The following NUDT3 variants were observed in gnomAD, a reference collection of about 807,000 sequenced individuals.
NUDT3 encodes the protein nudix hydrolase 3.
A neutral mutation model predicts 23.6 loss-of-function variants in NUDT3; 9 were observed. The ratio of observed to expected loss-of-function variants is 0.38; its 90% CI spans 0.23 to 0.66. The LOEUF (loss-of-function observed/expected upper bound fraction) is 0.66. Among genes scored for constraint, NUDT3 ranks in the 30% least tolerant of loss-of-function variants. The pLI is 0.52. For synonymous variants in NUDT3, 86 were observed against 82.6 expected, an observed-to-expected ratio of 1.04 and a Z score of -0.22; for missense variants, 172 against 218.5, an observed-to-expected ratio of 0.79 and a Z score of 1.34.
rs1763268876 is a variant in NUDT3, at chr6:34,280,536, CCA to C, written c.*8215_*8216del. 1 of 152,180 alleles carries C rather than the reference CCA, an allele frequency of 6.6e-6. No individual in the cohort carries two copies. The allele number at this position is 152,180 out of a possible 1,614,324, so 9.4% of individuals were successfully genotyped here. On this transcript the variant is annotated 3_prime_UTR_variant, in exon 5 of 5. Transcript: ENST00000607016. ...CCTACAAGCACCATTCCTTGGATTC[CCA>C]GTTTTGTTGAGCTCATTTGAGGTCA...
At chr6:34,337,837 C>T (rs1035939500) in intron 2 of NUDT3, among the ~76,000 whole-genome samples, 4 of 152,242 alleles carry the variant, frequency 2.6e-5, no homozygotes, top group African/African-American at 9.6e-5. Flanking sequence ...TCCTCTCTCT[C>T]TATTCCAGAA....
chr6:34,388,419 T>C (rs1238174464), intron 1 of NUDT3, among the ~76,000 whole-genome samples: 1 of 152,240 alleles, frequency 6.6e-6, no homozygotes, highest in East Asian at 1.9e-4. Context: ...TATTCTATCT[T>C]GATTAAGGCC....
intron 2 of NUDT3, among the ~76,000 whole-genome samples, chr6:34,301,433 G>A (rs1763595495): frequency 6.6e-6 from 1 of 152,186 alleles, no homozygotes; most frequent in Non-Finnish European, 1.5e-5. Flanking sequence ...ACAGAATGTA[G>A]AAGAATGGTT....
At chr6:34,382,016 C>T (rs970904064) in intron 1 of NUDT3, among the ~76,000 whole-genome samples, 4 of 137,538 alleles carry the variant, frequency 2.9e-5, no homozygotes, top group East Asian at 2.1e-4. Flanking sequence ...GGGGTTGCAG[C>T]GAGCCAAGAT....
chr6:34,392,475 G>T lies in NUDT3; in HGVS notation c.-113C>A. On this transcript the variant is annotated 5_prime_UTR_variant, in exon 1 of 5. Coordinates refer to ENST00000607016, the MANE Select transcript of NUDT3 (RefSeq NM_006703.4). ...CCGGCTCGGCCAAGGGAAGCAGGGAGGGGGAGCTTCTCCGCTACACGGCTC... is the reference window on the plus strand; with the variant it reads ...CCGGCTCGGCCAAGGGAAGCAGGGATGGGGAGCTTCTCCGCTACACGGCTC... The T allele has an allele frequency of 1.5e-6, 1 of 674,232 alleles. No homozygotes were observed. The highest frequency in any genetic ancestry group is 2.5e-6 in the Non-Finnish European group (1 of 404,936). 41.8% of individuals were successfully genotyped at this position (674,232 alleles called of 1,614,324 possible).
intron 2 of NUDT3, among the ~76,000 whole-genome samples, chr6:34,313,227 T>C (rs1763802493): frequency 6.6e-6 from 1 of 151,940 alleles, no homozygotes; most frequent in African/African-American, 2.4e-5. Context: ...CTTAAATGCG[T>C]ATTACTAAGT....
chr6:34,332,285 T>C (rs1400489752), intron 2 of NUDT3, among the ~76,000 whole-genome samples: 1 of 152,068 alleles, frequency 6.6e-6, no homozygotes, highest in African/African-American at 2.4e-5. Context: ...AAAAAGAAAA[T>C]GTTATTAAGA....
intron 3 of NUDT3, 135 bp from the exon 4 acceptor site, chr6:34,293,670 AC>A: frequency 1.0e-6 from 1 of 1,004,244 alleles, no homozygotes; most frequent in South Asian, 1.6e-5. Context: ...TTATGGTCCT[AC>A]AGTTATAGCT....
chr6:34,295,142 A>C (rs1763480546), intron 3 of NUDT3, among the ~76,000 whole-genome samples: 1 of 152,008 alleles, frequency 6.6e-6, no homozygotes, highest in Admixed American at 6.5e-5. Flanking sequence ...TAATTCTAGT[A>C]GTTTAGGGGA....
intron 2 of NUDT3, among the ~76,000 whole-genome samples, chr6:34,299,600 ATT>A (rs147548768): frequency 0.2 from 27,457 of 136,884 alleles, 4,032 homozygotes; most frequent in East Asian, 0.44. Flanking sequence ...ATTTTCTTGA[ATT>A]TTTTTTTTTT....
chr6:34,302,253 C>G (rs1191490660), intron 2 of NUDT3, among the ~76,000 whole-genome samples: 1 of 151,260 alleles, frequency 6.6e-6, no homozygotes, highest in East Asian at 2.0e-4. Context: ...TGGTCTCAAA[C>G]TGCTGGGCTC....
chr6:34,353,893 C>T (rs142576094), intron 1 of NUDT3, among the ~76,000 whole-genome samples: 2,780 of 151,994 alleles, frequency 0.018, 80 homozygotes, highest in African/African-American at 0.061. Context: ...GACAGGGTTT[C>T]GCCATGTTGC....
At chr6:34,348,637 G>A (rs550657334) in intron 1 of NUDT3, among the ~76,000 whole-genome samples, 38 of 151,954 alleles carry the variant, frequency 2.5e-4, no homozygotes, top group Non-Finnish European at 4.3e-4. Context: ...TTAGCCGGGC[G>A]TGGTGGCGGG....
intron 2 of NUDT3, among the ~76,000 whole-genome samples, chr6:34,319,352 G>A (rs1036066706): frequency 2.0e-5 from 3 of 152,190 alleles, no homozygotes; most frequent in Non-Finnish European, 4.4e-5. Context: ...TGACCAACTA[G>A]CTTCAAGTTG....
At chr6:34,368,320 T>A (rs555783889) in intron 1 of NUDT3, among the ~76,000 whole-genome samples, 1 of 152,320 alleles carries the variant, frequency 6.6e-6, no homozygotes, top group South Asian at 2.1e-4. Context: ...CCCTACCAAG[T>A]AGCTGGAGCC....
At chr6:34,296,536 T>G (rs1009512110) in intron 2 of NUDT3, among the ~76,000 whole-genome samples, 12 of 152,224 alleles carry the variant, frequency 7.9e-5, no homozygotes, top group Non-Finnish European at 1.6e-4. Context: ...ATCACACCAC[T>G]GCACTCCAGC....
chr6:34,343,802 G>C (rs1355596703), intron 1 of NUDT3, among the ~76,000 whole-genome samples: 2 of 152,202 alleles, frequency 1.3e-5, no homozygotes, highest in East Asian at 3.9e-4. Context: ...AATGTGAAAA[G>C]ACAACCTACA....
intron 1 of NUDT3, among the ~76,000 whole-genome samples, chr6:34,344,777 G>A (rs969234389): frequency 6.6e-6 from 1 of 151,168 alleles, no homozygotes; most frequent in Non-Finnish European, 1.5e-5. Flanking sequence ...TCAGCCTCCC[G>A]AGTAGCTGGG....
chr6:34,383,597 A>T (rs919452351), intron 1 of NUDT3, among the ~76,000 whole-genome samples: 1 of 152,202 alleles, frequency 6.6e-6, no homozygotes, highest in African/African-American at 2.4e-5. Flanking sequence ...AAATGAATAA[A>T]CAATTGTATT....
Sources: allele counts gnomAD v4.1 joint callset (sites outside exome capture counted in the v4.1 genomes callset), GRCh38; gene constraint gnomAD v4.1.1; transcripts MANE v1.5; gene names NCBI Gene and HGNC (gene_info 2026-07-23, HGNC 2026-07-21).